Variants in MUC15 observed in about 807,000 individuals in gnomAD.
The protein encoded by MUC15 is mucin-15.
Under a neutral mutation model 24.0 loss-of-function variants are expected in MUC15, and 23 were observed. The observed-to-expected ratio is 0.96, with a 90% CI of 0.69 to 1.36. The LOEUF is 1.36. Among genes scored for constraint, MUC15 ranks in the 40% most tolerant of loss-of-function variants. The pLI is 0.00. For synonymous variants in MUC15, 151 were observed against 156.3 expected, an observed-to-expected ratio of 0.97 and a Z score of 0.25; for missense variants, 442 against 428.2, an observed-to-expected ratio of 1.03 and a Z score of -0.29.
intron 3 of MUC15, 130 bp from the exon 4 acceptor site, chr11:26,563,395 C>CTGTG (rs71047867): frequency 0.048 from 25,849 of 537,018 alleles, 428 homozygotes; most frequent in Middle Eastern, 0.071. Flanking sequence ...GTTTCTCTCT[C>CTGTG]TGTGTGTGTG....
Position 26,565,367 on chromosome 11 carries a change from A to G in MUC15, c.573T>C (p.Ser191=). Residue 191 remains serine, a synonymous_variant, in exon 3 of 5, where the codon AGT becomes AGC. Transcript: ENST00000529533. ...AAGAGAGGATGCTAACTGTAATGGAACTGTTATCAGGAGTTTTCACGGTGT... is the reference window on the plus strand; with the variant it reads ...AAGAGAGGATGCTAACTGTAATGGAGCTGTTATCAGGAGTTTTCACGGTGT... ...VNDTVKTPDN[S]SITVSILSSE... 1.9e-6 allele frequency: 3 copies of G among 1,613,102 alleles called. No individual in the cohort carries two copies. In the South Asian group the frequency reaches 3.3e-5, roughly 18 times the overall value.
In MUC15 at chr11:26,561,657, G is replaced by A. The variant is rs560817692; in HGVS notation, c.926-432C>T. Among the ~76,000 whole-genome samples, 12 of 152,046 alleles carry A rather than the reference G, an allele frequency of 7.9e-5. No individual in the cohort carries two copies. The South Asian group carries it at 2.5e-3, about 31-fold the overall frequency. ...TGTTATTATTTTACCAAATATCACA[G>A]TATCTTGATGGCTAAACCATTTAAG... is the stretch of plus-strand genomic sequence containing the variant. On this transcript the variant is annotated intron_variant, in intron 4 of 4. Transcript: ENST00000529533.
chr11:26,564,720 CACACACACACACAT>C (rs1177163562), intron 3 of MUC15, among the ~76,000 whole-genome samples: 11 of 75,616 alleles, frequency 1.5e-4, no homozygotes, highest in African/African-American at 2.5e-4. Flanking sequence ...CACACACACA[CACACACACACACAT>C]ATATATATAT....
At position 26,563,393 on chromosome 11, in the gene MUC15, C is replaced by CTG. The variant is rs764671965; in HGVS notation, c.776-129_776-128insCA. ...AAATTAGATAATGGTGTGTTTCTCT[C>CTG]TCTGTGTGTGTGTGTGTGTGTGTGT... On this transcript the variant is annotated intron_variant, in intron 3 of 4. Transcript: ENST00000529533. 1,568 of 825,328 alleles carry CTG rather than the reference C, an allele frequency of 1.9e-3. 31 individuals are homozygous for CTG. The highest frequency in any genetic ancestry group is 0.01 in the African/African-American group (385 of 38,096). The allele number at this position is 825,328 out of a possible 1,614,324, so 51.1% of individuals were successfully genotyped here.
chr11:26,566,220 C>T (rs747463059), intron 2 of MUC15, among the ~76,000 whole-genome samples: 11 of 151,874 alleles, frequency 7.2e-5, no homozygotes, highest in Non-Finnish European at 1.3e-4. Flanking sequence ...CACACATACA[C>T]GTATATTTAA....
At chr11:26,563,395 C>CTCTCTGTGTGTGTG (rs371195680) in intron 3 of MUC15, 130 bp from the exon 4 acceptor site, 8 of 540,000 alleles carry the variant, frequency 1.5e-5, no homozygotes, top group African/African-American at 1.2e-4. Flanking sequence ...GTTTCTCTCT[C>CTCTCTGTGTGTGTG]TGTGTGTGTG....
At position 26,565,676 on chromosome 11, in the gene MUC15, A is replaced by T; in HGVS notation, c.264T>A (p.Asn88Lys). The change falls in exon 3 of 5, where the codon AAT becomes AAA. Residue 88 changes from asparagine (N) to lysine (K), a missense_variant. By Grantham distance (94) the Asn-to-Lys change is moderately conservative. Transcript: ENST00000529533. ...TCGCCTTGAGATTTGAGGTGGTTATATTTTCTTTATCTGAGTTTAAGTTTG... is the reference window on the plus strand; with the variant it reads ...TCGCCTTGAGATTTGAGGTGGTTATTTTTTCTTTATCTGAGTTTAAGTTTG... ...SEANLNSDKE[N>K]ITTSNLKASH... The T allele has an allele frequency of 6.2e-7, 1 of 1,613,272 alleles. No individual in the cohort carries two copies.
At position 26,564,692 on chromosome 11, in the gene MUC15, T is replaced by TATACAC. The variant is rs1554970707; in HGVS notation, c.775+472_775+473insGTGTAT. Among the ~76,000 whole-genome samples, 206 of 41,118 alleles carry TATACAC rather than the reference T, an allele frequency of 5.0e-3. 29 individuals are homozygous for TATACAC. The highest frequency in any genetic ancestry group is 0.03 in the Admixed American group (95 of 3,176). The allele number at this position is 41,118 out of a possible 152,430, so 27.0% of individuals were successfully genotyped here. ...ACTCATATATATATACTCATATATA[T>TATACAC]ACACACACACACACACACACACACA... On this transcript the variant is annotated intron_variant, in intron 3 of 4. Coordinates refer to ENST00000529533, the MANE Select transcript of MUC15 (RefSeq NM_001135091.2).
In MUC15 at chr11:26,565,886, T is replaced by C. The variant is rs1850560483; in HGVS notation, c.54A>G (p.Lys18=). 1.3e-6 allele frequency: 2 copies of C among 1,574,726 alleles called. No homozygotes were observed. Among genetic ancestry groups the C allele is most frequent in the African/African-American group, 2.8e-5 (2 of 72,234 alleles). ...LATSRDCYSF[K]KKPIPKKPTM... Reference sequence around the variant, plus strand: ...TAGGCTTCTTTGGTATTGGTTTTTTTTTAAAGGAATCTGAAAGAAAATAAC... The same window carrying C: ...TAGGCTTCTTTGGTATTGGTTTTTTCTTAAAGGAATCTGAAAGAAAATAAC... The change falls in exon 3 of 5, where the codon AAA becomes AAG. Residue 18 remains lysine, a synonymous_variant. Transcript: ENST00000529533.
chr11:26,562,931 G>A (rs1850351139), intron 4 of MUC15, 185 bp downstream of exon 4: 1 of 765,564 alleles, frequency 1.3e-6, no homozygotes, highest in South Asian at 4.0e-5. Flanking sequence ...TTAAATTTCA[G>A]TCACAGGTCT....
chr11:26,567,100 A>C lies in MUC15; in HGVS notation c.-6T>G. On this transcript the variant is annotated 5_prime_UTR_variant, in exon 2 of 5. Transcript: ENST00000529533. ...ATAGATTGTATTATGCCCATTTTGC[A>C]GATGAAGAAACTGAAGCTCACAATG... 2.7e-6 allele frequency: 4 copies of C among 1,471,216 alleles called. No individual in the cohort carries two copies. The highest frequency in any genetic ancestry group is 3.6e-6 in the Non-Finnish European group (4 of 1,104,598). 91.1% of individuals were successfully genotyped at this position (1,471,216 alleles called of 1,614,324 possible). A position where few individuals can be genotyped will look rare whatever the true frequency, so the allele number is the denominator to read the frequency against.
In MUC15 at chr11:26,559,869, CACA is replaced by C; in HGVS notation, c.*1193_*1195del. ...ACACACACACACACACACACACACA[CACA>C]CACCATGAATCAATTCAAAAATAAA... is the stretch of plus-strand genomic sequence containing the variant. On this transcript the variant is annotated 3_prime_UTR_variant, in exon 5 of 5. Coordinates refer to ENST00000529533, the MANE Select transcript of MUC15 (RefSeq NM_001135091.2). 3 of 813,398 alleles carry C rather than the reference CACA, an allele frequency of 3.7e-6. No homozygotes were observed. Among genetic ancestry groups the C allele is most frequent in the South Asian group, 1.6e-5 (1 of 64,000 alleles). The allele number at this position is 813,398 out of a possible 1,614,324, so 50.4% of individuals were successfully genotyped here.
chr11:26,562,350 A>G (rs1850326885), intron 4 of MUC15, among the ~76,000 whole-genome samples: 1 of 151,930 alleles, frequency 6.6e-6, no homozygotes, highest in African/African-American at 2.4e-5. Flanking sequence ...GTAAGACTTC[A>G]TCAATGGGAC....
In MUC15 at chr11:26,564,724, CACACACACATATATATATATATATAT is replaced by C. The variant is rs1390539980; in HGVS notation, c.775+415_775+440del. Among the ~76,000 whole-genome samples the C allele has an allele frequency of 8.0e-3, 456 of 57,252 alleles. 1 individual carries two copies. The highest frequency in any genetic ancestry group is 0.012 in the Non-Finnish European group (363 of 29,666). 37.6% of individuals were successfully genotyped at this position (57,252 alleles called of 152,430 possible). A position where few individuals can be genotyped will look rare whatever the true frequency, so the allele number is the denominator to read the frequency against. ...ACACACACACACACACACACACACACACACACACATATATATATATATATATATATATATATATATATATATATATA... is the reference window on the plus strand; with the variant it reads ...ACACACACACACACACACACACACACATATATATATATATATATATATATA... On this transcript the variant is annotated intron_variant, in intron 3 of 4. Transcript: ENST00000529533.
At position 26,559,806 on chromosome 11, in the gene MUC15, TCC is replaced by T; in HGVS notation, c.*1257_*1258del. On this transcript the variant is annotated 3_prime_UTR_variant, in exon 5 of 5. Coordinates refer to ENST00000529533, the MANE Select transcript of MUC15 (RefSeq NM_001135091.2). Reference sequence around the variant, plus strand: ...TAAGTACTTTCTTCATTACTTTCTATCCCTTATTTTCTGAAGCTGTTTCTGTG... The same window carrying T: ...TAAGTACTTTCTTCATTACTTTCTATCTTATTTTCTGAAGCTGTTTCTGTG... 6.7e-7 allele frequency: 1 copy of T among 1,490,352 alleles called. No homozygotes were observed. Among genetic ancestry groups the T allele is most frequent in the East Asian group, 2.3e-5 (1 of 44,186 alleles). 92.3% of individuals were successfully genotyped at this position (1,490,352 alleles called of 1,614,324 possible).
intron 1 of MUC15, among the ~76,000 whole-genome samples, chr11:26,569,401 G>A (rs1226095948): frequency 6.6e-6 from 1 of 152,060 alleles, no homozygotes; most frequent in Non-Finnish European, 1.5e-5. Flanking sequence ...AAGACGGATT[G>A]TCCTGACATT....
chr11:26,559,888 C>A lies in MUC15; in HGVS notation c.*1177G>T, dbSNP rs1033798557. On this transcript the variant is annotated 3_prime_UTR_variant, in exon 5 of 5. Transcript: ENST00000529533. ...CACACACACACACCATGAATCAATT[C>A]AAAAATAAAGCCTCTAGGTTGGTAC... The A allele has an allele frequency of 1.5e-5, 12 of 807,204 alleles. No individual in the cohort carries two copies. The highest frequency in any genetic ancestry group is 2.3e-5 in the Non-Finnish European group (11 of 487,808). The allele number at this position is 807,204 out of a possible 1,614,324, so 50.0% of individuals were successfully genotyped here.
At chr11:26,562,531 T>C (rs915786116) in intron 4 of MUC15, among the ~76,000 whole-genome samples, 1 of 151,956 alleles carries the variant, frequency 6.6e-6, no homozygotes, top group African/African-American at 2.4e-5. Context: ...ATTTTTAGTA[T>C]ACATATTTCT....
chr11:26,565,545 G>C lies in MUC15; in HGVS notation c.395C>G (p.Thr132Ser), dbSNP rs1850537275. The part of the protein sequence containing the change: ...HSLGSLKPTS[T>S]ISTSPPLIHS... ...GATCAAGGGAGGGCTTGTGGAAATG[G>C]TAGATGTGGGTTTTAGACTGCCCAA... The change falls in exon 3 of 5, where the codon ACC (threonine) becomes AGC (serine). Residue 132 changes from threonine to serine, a missense_variant. Transcript: ENST00000529533. 1 of 1,613,374 alleles carries C rather than the reference G, an allele frequency of 6.2e-7. No individual in the cohort carries two copies.
Sources: gnomAD v4.1 joint callset for allele counts (sites outside exome capture counted in the v4.1 genomes callset) on GRCh38, gnomAD v4.1.1 for gene constraint, MANE v1.5 for transcripts, NCBI Gene and HGNC (gene_info 2026-07-23, HGNC 2026-07-21) for gene names.